The following NTM variants were observed in gnomAD, a reference collection of about 807,000 sequenced individuals.
The protein encoded by NTM is neurotrimin.
In NTM, 13 loss-of-function variants were observed where a neutral mutation model predicts 42.1. The ratio of observed to expected loss-of-function variants is 0.31; its 90% CI spans 0.20 to 0.49. The LOEUF (loss-of-function observed/expected upper bound fraction) is 0.49. NTM is among the 20% of genes least tolerant of loss of function. The pLI, the probability that NTM is intolerant of heterozygous loss-of-function variation, is 0.99. For synonymous variants in NTM, 187 were observed against 179.2 expected (o/e 1.04, Z -0.35); for missense variants, 373 against 452.8 (o/e 0.82, Z 1.60).
chr11:131,507,136 G>T (rs575695788), intron 1 of NTM, among the ~76,000 whole-genome samples: 1 of 152,138 alleles, frequency 6.6e-6, no homozygotes, highest in East Asian at 1.9e-4. Context: ...TTCCACTTCA[G>T]GGATGAAAAA....
Position 132,130,225 on chromosome 11 carries a change from G to A in NTM, c.168-16057G>A, listed in dbSNP as rs192387460. ...CGTATCTAGAAATCAGATGAGTAGC[G>A]GGATGAGGGAAAGACAGTGAAGCCT... On this transcript the variant is annotated intron_variant, in intron 2 of 8. Transcript: ENST00000683400. Among the ~76,000 whole-genome samples the A allele has an allele frequency of 7.2e-5, 11 of 152,250 alleles. No individual in the cohort carries two copies. The East Asian group carries it at 9.7e-4, about 13-fold the overall frequency.
chr11:131,502,131 G>A (rs536596244), intron 1 of NTM, among the ~76,000 whole-genome samples: 169 of 152,206 alleles, frequency 1.1e-3, no homozygotes, highest in Non-Finnish European at 1.7e-3. Flanking sequence ...AGGTCCCAAT[G>A]TCTGTGTCCC....
intron 1 of NTM, among the ~76,000 whole-genome samples, chr11:131,894,073 G>C (rs1474311655): frequency 6.6e-6 from 1 of 152,190 alleles, no homozygotes; most frequent in African/African-American, 2.4e-5. Context: ...GAGAGGGAAA[G>C]GCATTTTATA....
At chr11:131,944,486 A>C (rs1178440133) in intron 2 of NTM, among the ~76,000 whole-genome samples, 1 of 152,218 alleles carries the variant, frequency 6.6e-6, no homozygotes, top group East Asian at 1.9e-4. Flanking sequence ...CCACATGAGG[A>C]ACAATGATAT....
rs141462443 is a variant in NTM at position 131,746,330 on chromosome 11, C to A, written c.83-165234C>A. ...GGCGGGATTTGGACGCATGCTGTGC[C>A]GCTCTTTTTCAACGCCGGAAAAGTA... is the stretch of plus-strand genomic sequence containing the variant. On this transcript the variant is annotated intron_variant, in intron 1 of 8. Transcript: ENST00000683400. 2.6e-5 allele frequency among the ~76,000 whole-genome samples: 4 copies of A among 152,226 alleles called. No homozygotes were observed. In the East Asian group the frequency reaches 7.7e-4, roughly 29 times the overall value.
At chr11:131,892,180 CCTT>C (rs1312799788) in intron 1 of NTM, among the ~76,000 whole-genome samples, 15 of 152,082 alleles carry the variant, frequency 9.9e-5, no homozygotes, top group East Asian at 3.9e-4. Context: ...TTCTCCTCCG[CCTT>C]CTTCTTCTTC....
At chr11:131,457,984 C>A (rs904037477) in intron 1 of NTM, among the ~76,000 whole-genome samples, 5 of 152,170 alleles carry the variant, frequency 3.3e-5, no homozygotes, top group Admixed American at 3.3e-4. Flanking sequence ...AAATGCATTT[C>A]TGTTGTTCAT....
intron 1 of NTM, among the ~76,000 whole-genome samples, chr11:131,891,618 G>A (rs2051353802): frequency 6.6e-6 from 1 of 152,122 alleles, no homozygotes; most frequent in Non-Finnish European, 1.5e-5. Flanking sequence ...CACTCCACCA[G>A]TGGCCACTGG....
In NTM at chr11:131,422,434, G is replaced by A. The variant is rs56043209; in HGVS notation, c.82+51546G>A. ...TGTTAGATTGAGAAATGTATGTCAC[G>A]TACCTGAGTCTTTAAGGGAGCCATT... is the stretch of plus-strand genomic sequence containing the variant. On this transcript the variant is annotated intron_variant, in intron 1 of 8. Coordinates refer to ENST00000683400, the MANE Select transcript of NTM (RefSeq NM_001352005.2). Among the ~76,000 whole-genome samples, 111 of 152,264 alleles carry A rather than the reference G, an allele frequency of 7.3e-4. 1 individual carries two copies. The highest frequency in any genetic ancestry group is 6.8e-3 in the Middle Eastern group (2 of 294).
intron 1 of NTM, among the ~76,000 whole-genome samples, chr11:131,477,285 A>T (rs1953051583): frequency 6.6e-6 from 1 of 152,182 alleles, no homozygotes; most frequent in South Asian, 2.1e-4. Flanking sequence ...AATACAGCGG[A>T]AGCAGTGAAG....
chr11:132,146,648 G>A lies in NTM; in HGVS notation c.400+134G>A, dbSNP rs1420634621. On this transcript the variant is annotated intron_variant, in intron 3 of 8. Coordinates refer to ENST00000683400, the MANE Select transcript of NTM (RefSeq NM_001352005.2). The surrounding 1 kb of genome is among the most constrained non-coding windows in gnomAD (Gnocchi z 4.5). ...CATCTGGGGTCCAGGGCACATTTCT[G>A]GTTGTCATTTTGCAGTTAGAAGCTA... 2 of 896,382 alleles carry A rather than the reference G, an allele frequency of 2.2e-6. No individual in the cohort carries two copies. Among genetic ancestry groups the A allele is most frequent in the Non-Finnish European group, 3.2e-6 (2 of 623,598 alleles). 55.5% of individuals were successfully genotyped at this position (896,382 alleles called of 1,614,324 possible).
intron 1 of NTM, among the ~76,000 whole-genome samples, chr11:131,783,010 T>A (rs191621170): frequency 1.3e-5 from 2 of 152,136 alleles, no homozygotes; most frequent in African/African-American, 4.8e-5. Context: ...ATGAATAATA[T>A]GTATACAGAT....
chr11:131,960,202 T>G (rs1192895708), intron 2 of NTM, among the ~76,000 whole-genome samples: 1 of 152,176 alleles, frequency 6.6e-6, no homozygotes, highest in East Asian at 1.9e-4. Flanking sequence ...TCGAGGGTGT[T>G]CATGGTGCCC....
chr11:131,830,782 C>T (rs546872434), intron 1 of NTM, among the ~76,000 whole-genome samples: 150 of 152,186 alleles, frequency 9.9e-4, no homozygotes, highest in South Asian at 2.3e-3. Context: ...TTAACAATAT[C>T]GATTCTTCCA....
At chr11:131,512,334 G>A (rs1331464665) in intron 1 of NTM, among the ~76,000 whole-genome samples, 1 of 152,180 alleles carries the variant, frequency 6.6e-6, no homozygotes, top group Non-Finnish European at 1.5e-5. Context: ...CTTGCTGCCA[G>A]CTCCTACTGC....
intron 1 of NTM, among the ~76,000 whole-genome samples, chr11:131,604,236 G>A (rs2060732895): frequency 6.6e-6 from 1 of 152,016 alleles, no homozygotes; most frequent in South Asian, 2.1e-4. Context: ...GGTGTGAAGT[G>A]GTATCTCACT....
At chr11:131,939,742 G>C (rs1005335195) in intron 2 of NTM, among the ~76,000 whole-genome samples, 1 of 152,264 alleles carries the variant, frequency 6.6e-6, no homozygotes, top group African/African-American at 2.4e-5. Flanking sequence ...TTTCCAACAG[G>C]ACAGTTGAGA....
rs113016600 is a variant in NTM, at chr11:132,009,540, G to A, written c.167+97892G>A. Among the ~76,000 whole-genome samples, 535 of 152,298 alleles carry A rather than the reference G, an allele frequency of 3.5e-3. 5 individuals are homozygous for A. The highest frequency in any genetic ancestry group is 0.012 in the African/African-American group (500 of 41,564). ...TCCAGTGCCCTGGCTGTGCCATCCCGGCAGCTCTGAGGCTTTCTGACAGTC... is the reference window on the plus strand; with the variant it reads ...TCCAGTGCCCTGGCTGTGCCATCCCAGCAGCTCTGAGGCTTTCTGACAGTC... On this transcript the variant is annotated intron_variant, in intron 2 of 8. Transcript: ENST00000683400.
chr11:131,873,552 ATATATATACCG>A (rs1340826223), intron 1 of NTM, among the ~76,000 whole-genome samples: 4 of 46,536 alleles, frequency 8.6e-5, no homozygotes, highest in African/African-American at 2.1e-4. Context: ...ATATATACAT[ATATATATACCG>A]TATATATATA....
Sources: gnomAD v4.1 joint callset for allele counts (sites outside exome capture counted in the v4.1 genomes callset) on GRCh38, gnomAD v4.1.1 for gene constraint, Gnocchi (gnomAD v3.1) non-coding constraint, MANE v1.5 for transcripts, NCBI Gene and HGNC (gene_info 2026-07-23, HGNC 2026-07-21) for gene names.